The following YWHAH variants were observed in gnomAD, a reference collection of about 807,000 sequenced individuals.
The protein encoded by YWHAH is tyrosine 3-monooxygenase/tryptophan 5-monooxygenase activation protein eta.
Under a neutral mutation model 22.9 loss-of-function variants are expected in YWHAH, and 6 were observed. The observed-to-expected ratio is 0.26, with a 90% CI of 0.14 to 0.52. The LOEUF is 0.52. Ranked by LOEUF, YWHAH falls within the 20% of genes least tolerant of loss-of-function variation. The pLI is 0.97. For missense variants in YWHAH, 173 were observed against 308.6 expected, an observed-to-expected ratio of 0.56 and a Z score of 3.29; for synonymous variants, 135 against 124.5, an observed-to-expected ratio of 1.08 and a Z score of -0.56.
intron 1 of YWHAH, 26 bp downstream of exon 1, chr22:31,944,846 C>T (rs898611713): frequency 6.9e-5 from 92 of 1,342,230 alleles, no homozygotes; most frequent in Non-Finnish European, 8.2e-5. Flanking sequence ...GCCCGGGCGG[C>T]TGGCCGGGGG....
At position 31,954,910 on chromosome 22, in the gene YWHAH, C is replaced by T. The variant is rs138299930; in HGVS notation, c.88-1229C>T. Among the ~76,000 whole-genome samples, 157 of 152,300 alleles carry T rather than the reference C, an allele frequency of 1.0e-3. 1 individual carries two copies. The highest frequency in any genetic ancestry group is 3.7e-3 in the African/African-American group (153 of 41,576). On this transcript the variant is annotated intron_variant, in intron 1 of 1. Coordinates refer to ENST00000248975, the MANE Select transcript of YWHAH (RefSeq NM_003405.4). ...CAGGAACCTAGGGTCAGAACTTCAG[C>T]GTATCTTTTGGCGGGGGATACAGTT...
At position 31,944,702 on chromosome 22, in the gene YWHAH, G is replaced by A. The variant is rs1419988467; in HGVS notation, c.-32G>A. 1.5e-6 allele frequency: 2 copies of A among 1,349,504 alleles called. No individual in the cohort carries two copies. The highest frequency in any genetic ancestry group is 3.4e-5 in the East Asian group (1 of 29,134). 83.6% of individuals were successfully genotyped at this position (1,349,504 alleles called of 1,614,324 possible). A position where few individuals can be genotyped will look rare whatever the true frequency, so the allele number is the denominator to read the frequency against. On this transcript the variant is annotated 5_prime_UTR_variant, in exon 1 of 2. Transcript: ENST00000248975. Reference sequence around the variant, plus strand: ...GGGAGGGCTAGCGAGCCAGCGGTGTGAGGCGCGAGGCGAGGCCGAGCCGCG... The same window carrying A: ...GGGAGGGCTAGCGAGCCAGCGGTGTAAGGCGCGAGGCGAGGCCGAGCCGCG...
intron 1 of YWHAH, among the ~76,000 whole-genome samples, chr22:31,954,605 G>T (rs910856026): frequency 1.3e-5 from 2 of 152,080 alleles, no homozygotes; most frequent in African/African-American, 2.4e-5. Flanking sequence ...GTGTAGGCAG[G>T]CCACGCTCCC....
Position 31,956,308 on chromosome 22 carries a change from G to A in YWHAH, c.257G>A (p.Arg86Gln). Residue 86 changes from arginine to glutamine, a missense_variant, in exon 2 of 2, where the codon CGG becomes CAG. Arg to Gln is a conservative substitution (Grantham distance 43). Transcript: ENST00000248975. The surrounding 1 kb of genome is among the most constrained non-coding windows in gnomAD (Gnocchi z 5.1). ...AAATTGGAGAAAGTTAAAGCTTACC[G>A]GGAGAAGATTGAGAAGGAGCTGGAG... Reference protein sequence around the residue: ...EKKLEKVKAYREKIEKELETV... With the variant: ...EKKLEKVKAYQEKIEKELETV... 1.2e-6 allele frequency: 2 copies of A among 1,614,128 alleles called. No homozygotes were observed.
intron 1 of YWHAH, chr22:31,945,366 C>T: frequency 7.9e-7 from 1 of 1,272,280 alleles, no homozygotes. Flanking sequence ...GCTTTGTGTG[C>T]GAAGACCCCT....
intron 1 of YWHAH, chr22:31,945,577 T>C: frequency 7.7e-7 from 1 of 1,303,976 alleles, no homozygotes; most frequent in Non-Finnish European, 1.0e-6. Flanking sequence ...GGATGAGTCG[T>C]GCCCAGCCAC....
At position 31,957,041 on chromosome 22, in the gene YWHAH, T is replaced by C. The variant is rs2093850438; in HGVS notation, c.*249T>C. 4.6e-6 allele frequency: 2 copies of C among 434,594 alleles called. No homozygotes were observed. Among genetic ancestry groups the C allele is most frequent in the Non-Finnish European group, 8.1e-6 (2 of 245,704 alleles). 26.9% of individuals were successfully genotyped at this position (434,594 alleles called of 1,614,324 possible). A position where few individuals can be genotyped will look rare whatever the true frequency, so the allele number is the denominator to read the frequency against. On this transcript the variant is annotated 3_prime_UTR_variant, in exon 2 of 2. Transcript: ENST00000248975. ...TGGAGAAGTGTGTTCTGATGAGGCA[T>C]TTTACTATGCCTGTTGATCTATGGG...
In YWHAH at chr22:31,956,816, T is replaced by G. The variant is rs373594195; in HGVS notation, c.*24T>G. 2.1e-4 allele frequency: 331 copies of G among 1,544,236 alleles called. 2 individuals are homozygous for G. In the African/African-American group the frequency reaches 4.2e-3, roughly 19 times the overall value. ...GAAGATCCTTCAGGTCCCCTGGCCC[T>G]TCCTTCACCCACCACCCCCATCATC... On this transcript the variant is annotated 3_prime_UTR_variant, in exon 2 of 2. Coordinates refer to ENST00000248975, the MANE Select transcript of YWHAH (RefSeq NM_003405.4). This position sits in a 1 kb window ranked among gnomAD's most constrained non-coding sequence, Gnocchi z 5.1.
intron 1 of YWHAH, among the ~76,000 whole-genome samples, chr22:31,949,671 G>A (rs749815898): frequency 2.0e-5 from 3 of 152,108 alleles, no homozygotes; most frequent in Non-Finnish European, 4.4e-5. Context: ...GTACATTCTT[G>A]TTTAACAATT....
chr22:31,949,522 G>GA (rs368003945), intron 1 of YWHAH, among the ~76,000 whole-genome samples: 1 of 151,032 alleles, frequency 6.6e-6, no homozygotes, highest in Non-Finnish European at 1.5e-5. Flanking sequence ...GTGGGGGGGG[G>GA]AGTCATGCTC....
chr22:31,947,860 T>C (rs933226), intron 1 of YWHAH, among the ~76,000 whole-genome samples: 20,662 of 152,222 alleles, frequency 0.14, 1,738 homozygotes, highest in Non-Finnish European at 0.18. Context: ...TTCTGGTGGA[T>C]ATTCATAGAC....
At chr22:31,946,322 C>T (rs189991974) in intron 1 of YWHAH, among the ~76,000 whole-genome samples, 18 of 152,100 alleles carry the variant, frequency 1.2e-4, no homozygotes, top group Non-Finnish European at 2.2e-4. Context: ...TATAGTTTTG[C>T]ATATTTTACA....
intron 1 of YWHAH, chr22:31,945,322 G>T: frequency 1.6e-6 from 2 of 1,225,734 alleles, no homozygotes; most frequent in African/African-American, 1.6e-5. Context: ...CGTTCGAATT[G>T]TTCTGGTTCC....
intron 1 of YWHAH, among the ~76,000 whole-genome samples, chr22:31,950,051 T>C (rs1280870940): frequency 6.8e-6 from 1 of 147,426 alleles, no homozygotes; most frequent in Non-Finnish European, 1.5e-5. Flanking sequence ...TATCTGGATT[T>C]TGCTTGTTCT....
intron 1 of YWHAH, among the ~76,000 whole-genome samples, chr22:31,952,988 A>G (rs928402940): frequency 8.5e-5 from 13 of 152,264 alleles, no homozygotes; most frequent in Non-Finnish European, 1.8e-4. Context: ...AGCTCAGACT[A>G]AACTTCAGAT....
In YWHAH at chr22:31,956,928, T is replaced by A; in HGVS notation, c.*136T>A. The stretch of plus-strand genomic sequence containing the variant: ...ACAGCTACTCAGATCTGCACTCCTG[T>A]CTCTTGGGAAGCAGTTTCAGATAAA... On this transcript the variant is annotated 3_prime_UTR_variant, in exon 2 of 2. Coordinates refer to ENST00000248975, the MANE Select transcript of YWHAH (RefSeq NM_003405.4). The surrounding 1 kb of genome is among the most constrained non-coding windows in gnomAD (Gnocchi z 5.1). 2 of 1,148,312 alleles carry A rather than the reference T, an allele frequency of 1.7e-6. No individual in the cohort carries two copies. Among genetic ancestry groups the A allele is most frequent in the Non-Finnish European group, 2.4e-6 (2 of 836,002 alleles). The allele number at this position is 1,148,312 out of a possible 1,614,324, so 71.1% of individuals were successfully genotyped here.
At chr22:31,954,651 T>A (rs2093847314) in intron 1 of YWHAH, among the ~76,000 whole-genome samples, 1 of 152,160 alleles carries the variant, frequency 6.6e-6, no homozygotes, top group South Asian at 2.1e-4. Flanking sequence ...TCCTAGGCAC[T>A]CTCCCAGCTT....
Position 31,956,082 on chromosome 22 carries a change from T to C in YWHAH, c.88-57T>C. On this transcript the variant is annotated intron_variant, in intron 1 of 1. Transcript: ENST00000248975. The surrounding 1 kb of genome is among the most constrained non-coding windows in gnomAD (Gnocchi z 5.1). ...TTGTTGATTATGTTGAAGGGAAGGC[T>C]TCTTACCAAGATTTTCAGATTTTGC... The C allele has an allele frequency of 1.3e-6, 2 of 1,535,288 alleles. No individual in the cohort carries two copies. Among genetic ancestry groups the C allele is most frequent in the Non-Finnish European group, 1.7e-6 (2 of 1,143,790 alleles).
intron 1 of YWHAH, among the ~76,000 whole-genome samples, chr22:31,948,187 C>CT (rs1749904866): frequency 6.6e-6 from 1 of 152,094 alleles, no homozygotes; most frequent in African/African-American, 2.4e-5. Flanking sequence ...GTGCAGGAAA[C>CT]AAAACTACAG....
Sources: gnomAD v4.1 joint callset for allele counts (sites outside exome capture counted in the v4.1 genomes callset) on GRCh38, gnomAD v4.1.1 for gene constraint, Gnocchi (gnomAD v3.1) non-coding constraint, MANE v1.5 for transcripts, NCBI Gene and HGNC (gene_info 2026-07-23, HGNC 2026-07-21) for gene names.